Variants in SECISBP2L observed in about 807,000 individuals in gnomAD.
The protein encoded by SECISBP2L is selenocysteine insertion sequence-binding protein 2-like.
Under a neutral mutation model 114.7 loss-of-function variants are expected in SECISBP2L, and 43 were observed. That is an observed-to-expected ratio of 0.38 (90% CI 0.29 to 0.48). The LOEUF is 0.48. Ranked by LOEUF, SECISBP2L falls within the 20% of genes least tolerant of loss-of-function variation. The pLI is 0.98. For synonymous variants in SECISBP2L, 451 were observed against 439.7 expected (o/e 1.03, Z -0.32); for missense variants, 1,136 against 1,301.1 (o/e 0.87, Z 1.95).
At chr15:48,993,100 A>AGAGAGAGTGTGTGTGTGTGTGTGT (rs772299775) in intron 17 of SECISBP2L, among the ~76,000 whole-genome samples, 174 bp from the exon 18 acceptor site, 1 of 139,130 alleles carries the variant, frequency 7.2e-6, no homozygotes, top group African/African-American at 2.8e-5. Context: ...ACAGAGAGAG[A>AGAGAGAGTGTGTGTGTGTGTGTGT]GTGTGTGTGT....
Position 48,992,099 on chromosome 15 carries a change from A to G in SECISBP2L, c.*145T>C, listed in dbSNP as rs1235531047. On this transcript the variant is annotated 3_prime_UTR_variant, in exon 18 of 18. Coordinates refer to ENST00000559471, the MANE Select transcript of SECISBP2L (RefSeq NM_001193489.2). ...CTAATTAAAAGCTAAGCTACAGATC[A>G]TAACAAGTAAAAGCTACAAAAATAT... 5.5e-6 allele frequency: 4 copies of G among 730,110 alleles called. No homozygotes were observed. Among genetic ancestry groups the G allele is most frequent in the East Asian group, 5.4e-5 (2 of 36,744 alleles). The allele number at this position is 730,110 out of a possible 1,614,324, so 45.2% of individuals were successfully genotyped here.
chr15:49,005,560 CTTTTTTTTTTTTTTTTTT>C (rs752466722), intron 14 of SECISBP2L, among the ~76,000 whole-genome samples: 2 of 36,746 alleles, frequency 5.4e-5, no homozygotes, highest in African/African-American at 1.3e-4. Flanking sequence ...GCAACCCCTG[CTTTTTTTTTTTTTTTTTT>C]TTTTTTTTTT....
In SECISBP2L at chr15:48,990,262, AG is replaced by A. The variant is rs1434332020; in HGVS notation, c.*1981del. 6.0e-4 allele frequency: 92 copies of A among 152,798 alleles called. No individual in the cohort carries two copies. The highest frequency in any genetic ancestry group is 2.1e-3 in the African/African-American group (88 of 41,590). 9.5% of individuals were successfully genotyped at this position (152,798 alleles called of 1,614,324 possible). On this transcript the variant is annotated 3_prime_UTR_variant, in exon 18 of 18. Transcript: ENST00000559471. Reference sequence around the variant, plus strand: ...TATCTGAATCACTGACATCGAGCAAAGGAAATTTACACCATAAAAAGTATGA... The same window carrying A: ...TATCTGAATCACTGACATCGAGCAAAGAAATTTACACCATAAAAAGTATGA...
chr15:49,033,557 GC>G (rs1902940868), intron 3 of SECISBP2L, among the ~76,000 whole-genome samples: 1 of 152,040 alleles, frequency 6.6e-6, no homozygotes, highest in Admixed American at 6.6e-5. Context: ...GCTGATCATG[GC>G]AGGGCACAGT....
intron 1 of SECISBP2L, among the ~76,000 whole-genome samples, chr15:49,040,527 C>CTTTTTTTTTTT (rs66527715): frequency 1.6e-5 from 1 of 63,176 alleles, no homozygotes; most frequent in African/African-American, 6.2e-5. Context: ...CCAAACTATT[C>CTTTTTTTTTTT]TTTTTTTTTT....
intron 13 of SECISBP2L, among the ~76,000 whole-genome samples, chr15:49,009,989 C>T (rs1485833149): frequency 1.3e-5 from 2 of 151,926 alleles, no homozygotes; most frequent in African/African-American, 2.4e-5. Context: ...ATAAATTAGC[C>T]GGGCGTGGTG....
chr15:49,019,575 A>G, intron 7 of SECISBP2L, 23 bp from the exon 8 acceptor site: 2 of 1,432,090 alleles, frequency 1.4e-6, no homozygotes, highest in South Asian at 3.0e-5. Context: ...CAGAGGGGAA[A>G]AAAAATCTAA....
At chr15:49,005,680 C>T (rs1216781817) in intron 14 of SECISBP2L, among the ~76,000 whole-genome samples, 1 of 147,362 alleles carries the variant, frequency 6.8e-6, no homozygotes, top group Non-Finnish European at 1.5e-5. Context: ...GAATACAGGA[C>T]ACCAATGGGT....
chr15:49,026,695 T>A (rs1029988893), intron 7 of SECISBP2L, among the ~76,000 whole-genome samples: 1 of 152,202 alleles, frequency 6.6e-6, no homozygotes, highest in African/African-American at 2.4e-5. Context: ...TATTCACAGA[T>A]GAACATGTCC....
intron 13 of SECISBP2L, among the ~76,000 whole-genome samples, chr15:49,009,644 C>A (rs904198175): frequency 6.6e-6 from 1 of 151,716 alleles, no homozygotes; most frequent in Admixed American, 6.6e-5. Flanking sequence ...GAGGGTGAGG[C>A]GAGAAAATCG....
chr15:49,042,070 T>C (rs1268136700), intron 1 of SECISBP2L, among the ~76,000 whole-genome samples: 1 of 152,208 alleles, frequency 6.6e-6, no homozygotes, highest in Non-Finnish European at 1.5e-5. Context: ...AGACCAAATC[T>C]AATGTTTTTT....
Position 48,996,455 on chromosome 15 carries a change from T to C in SECISBP2L, c.2535A>G (p.Gly845=). 6.2e-7 allele frequency: 1 copy of C among 1,614,138 alleles called. No individual in the cohort carries two copies. Among genetic ancestry groups the C allele is most frequent in the Non-Finnish European group, 8.5e-7 (1 of 1,180,000 alleles). Residue 845 remains glycine, a synonymous_variant, in exon 17 of 18, where the codon GGA becomes GGG. Transcript: ENST00000559471. ...TTGCTGCAGAGGGATTCCGAGAATGTCCCATGTGGTGTGGTACCTTCTTCA... is the reference window on the plus strand; with the variant it reads ...TTGCTGCAGAGGGATTCCGAGAATGCCCCATGTGGTGTGGTACCTTCTTCA... The part of the protein sequence containing the change: ...KNVKKVPHHM[G]HSRNPSAASA...
chr15:49,043,443 A>G (rs1457735714), intron 1 of SECISBP2L, among the ~76,000 whole-genome samples: 3 of 152,156 alleles, frequency 2.0e-5, no homozygotes, highest in Non-Finnish European at 4.4e-5. Flanking sequence ...CAACATTTAA[A>G]TTATTTGTGA....
At chr15:49,004,047 C>A (rs192388667) in intron 14 of SECISBP2L, among the ~76,000 whole-genome samples, 5 of 152,050 alleles carry the variant, frequency 3.3e-5, no homozygotes, top group Admixed American at 2.6e-4. Context: ...TGGCAGAATT[C>A]GGCTGTGAAT....
intron 4 of SECISBP2L, 55 bp from the exon 5 acceptor site, chr15:49,028,737 C>A: frequency 7.3e-7 from 1 of 1,364,890 alleles, no homozygotes; most frequent in Non-Finnish European, 1.0e-6. Context: ...TTGATAAATT[C>A]TCATTAAATC....
intron 13 of SECISBP2L, 60 bp downstream of exon 13, chr15:49,011,671 G>A (rs1238801695): frequency 2.5e-6 from 4 of 1,577,266 alleles, no homozygotes; most frequent in Non-Finnish European, 3.5e-6. Context: ...GATAGCTTAC[G>A]TATCTATTAA....
chr15:49,038,367 T>G (rs1903054950), intron 1 of SECISBP2L, among the ~76,000 whole-genome samples: 1 of 151,876 alleles, frequency 6.6e-6, no homozygotes, highest in Admixed American at 6.6e-5. Flanking sequence ...ATCCAAGATA[T>G]GTAATCCATT....
chr15:49,031,704 A>C (rs868685508), intron 4 of SECISBP2L, among the ~76,000 whole-genome samples: 4 of 152,210 alleles, frequency 2.6e-5, no homozygotes, highest in African/African-American at 7.2e-5. Flanking sequence ...AAAACTAAAA[A>C]TAAAAATACT....
intron 14 of SECISBP2L, among the ~76,000 whole-genome samples, 187 bp downstream of exon 14, chr15:49,009,029 A>T (rs541852243): frequency 4.6e-5 from 7 of 152,376 alleles, no homozygotes; most frequent in African/African-American, 1.7e-4. Context: ...TCTCACGTGA[A>T]TACTAACAGC....
Sources: gnomAD v4.1 joint callset for allele counts (sites outside exome capture counted in the v4.1 genomes callset) on GRCh38, gnomAD v4.1.1 for gene constraint, MANE v1.5 for transcripts, NCBI Gene and HGNC (gene_info 2026-07-23, HGNC 2026-07-21) for gene names.